The following RTTN variants were observed in gnomAD, a reference collection of about 807,000 sequenced individuals.
RTTN encodes rotatin.
A neutral mutation model predicts 269.2 loss-of-function variants in RTTN; 182 were observed. The observed-to-expected ratio is 0.68, with a 90% CI of 0.60 to 0.76. The LOEUF is 0.76. Ranked by LOEUF, RTTN falls within the 30% of genes least tolerant of loss-of-function variation. The pLI is 0.00. For synonymous variants in RTTN, 1,006 were observed against 963.5 expected, an observed-to-expected ratio of 1.04 and a Z score of -0.82; for missense variants, 2,545 against 2,608.6, an observed-to-expected ratio of 0.98 and a Z score of 0.53.
intron 23 of RTTN, 199 bp from the exon 24 acceptor site, chr18:70,128,745 A>G: frequency 1.9e-6 from 1 of 512,912 alleles, no homozygotes; most frequent in African/African-American, 1.9e-5. Flanking sequence ...AACTCCCCAG[A>G]ACACTTAAAT....
chr18:70,016,387 A>G (rs904479572), intron 46 of RTTN, among the ~76,000 whole-genome samples: 1 of 152,160 alleles, frequency 6.6e-6, no homozygotes, highest in Non-Finnish European at 1.5e-5. Context: ...TTATAAACTG[A>G]TTCTTACCAA....
Position 70,204,230 on chromosome 18 carries a change from C to T in RTTN, c.253G>A (p.Gly85Ser), listed in dbSNP as rs1600100824. 31 of 1,612,654 alleles carry T rather than the reference C, an allele frequency of 1.9e-5. No individual in the cohort carries two copies. The highest frequency in any genetic ancestry group is 2.5e-5 in the Non-Finnish European group (30 of 1,179,678). Reference protein sequence around the residue: ...PPAVQHLVDVGAVEFLSKLRS... With the variant: ...PPAVQHLVDVSAVEFLSKLRS... ...AGCTTAGATAAGAACTCTACTGCAC[C>T]AACGTCAACCAAATGTTGGACTGCT... Residue 85 changes from glycine to serine, a missense_variant, in exon 3 of 49, where the codon GGT (glycine) becomes AGT (serine). By Grantham distance (56) the Gly-to-Ser change is moderately conservative. Coordinates refer to ENST00000640769, the MANE Select transcript of RTTN (RefSeq NM_173630.4).
chr18:70,078,139 T>C (rs1257965511), intron 32 of RTTN, among the ~76,000 whole-genome samples: 2 of 151,708 alleles, frequency 1.3e-5, no homozygotes, highest in African/African-American at 2.4e-5. Flanking sequence ...ATTCTAAACA[T>C]TGAGGACAAA....
intron 39 of RTTN, among the ~76,000 whole-genome samples, chr18:70,050,097 T>C (rs978461789): frequency 6.6e-6 from 1 of 152,128 alleles, no homozygotes; most frequent in African/African-American, 2.4e-5. Context: ...CTAAAGAGCG[T>C]CTGCATAGCA....
chr18:70,054,917 T>C (rs995645773), intron 37 of RTTN, among the ~76,000 whole-genome samples: 4 of 152,138 alleles, frequency 2.6e-5, no homozygotes. Flanking sequence ...ATAAAGTCTA[T>C]AATTTTGTAA....
chr18:70,106,456 C>A (rs547503757), intron 28 of RTTN, among the ~76,000 whole-genome samples: 29 of 152,210 alleles, frequency 1.9e-4, no homozygotes, highest in Middle Eastern at 3.4e-3. Flanking sequence ...AGGTAAGTAT[C>A]CAACCTTGGA....
chr18:70,016,627 G>A (rs1052966964), intron 46 of RTTN, among the ~76,000 whole-genome samples: 3 of 152,104 alleles, frequency 2.0e-5, no homozygotes, highest in East Asian at 3.9e-4. Context: ...AGATCTTTCC[G>A]ATTCTTTTTG....
At chr18:70,159,955 C>A (rs1415224105) in intron 14 of RTTN, among the ~76,000 whole-genome samples, 1 of 151,902 alleles carries the variant, frequency 6.6e-6, no homozygotes, top group Non-Finnish European at 1.5e-5. Context: ...AGCCTACCAA[C>A]CAGAAAAAAA....
chr18:70,019,289 C>G (rs1324412001), intron 45 of RTTN: 5 of 152,146 alleles, frequency 3.3e-5, no homozygotes, highest in Non-Finnish European at 7.4e-5. Context: ...TTGGCACTTA[C>G]ATTCCTTCTG....
At chr18:70,086,892 G>C (rs569341859) in intron 31 of RTTN, among the ~76,000 whole-genome samples, 1 of 151,862 alleles carries the variant, frequency 6.6e-6, no homozygotes, top group African/African-American at 2.4e-5. Context: ...TAATGACCTT[G>C]TTAGGTAATG....
At position 70,041,379 on chromosome 18, in the gene RTTN, T is replaced by TGC. The variant is rs561507255; in HGVS notation, c.5541+6590_5541+6591dup. Among the ~76,000 whole-genome samples, 72 of 60,372 alleles carry TGC rather than the reference T, an allele frequency of 1.2e-3. No individual in the cohort carries two copies. The South Asian group carries it at 0.069, about 58-fold the overall frequency. 39.6% of individuals were successfully genotyped at this position (60,372 alleles called of 152,430 possible). A position where few individuals can be genotyped will look rare whatever the true frequency, so the allele number is the denominator to read the frequency against. Reference sequence around the variant, plus strand: ...CCCATTAAAATGACAAAAATGGGATTGCACACACACACACACACACACAAG... The same window carrying TGC: ...CCCATTAAAATGACAAAAATGGGATTGCGCACACACACACACACACACACAAG... On this transcript the variant is annotated intron_variant, in intron 40 of 48. Coordinates refer to ENST00000640769, the MANE Select transcript of RTTN (RefSeq NM_173630.4).
chr18:70,176,680 C>T lies in RTTN; in HGVS notation c.1471G>A (p.Glu491Lys). The change falls in exon 11 of 49, where the codon GAA becomes AAA. Residue 491 changes from glutamate to lysine, a missense_variant. Transcript: ENST00000640769. ...AGCAGCATTGCCTGCCTTACCTTTT[C>T]AACAGGGAGAAGCGTTTGTAGCAGT... ...VRLLQTLLPVEKASEFLSEPM... is the reference protein window; with the variant it reads ...VRLLQTLLPVKKASEFLSEPM... The T allele has an allele frequency of 6.2e-7, 1 of 1,612,418 alleles. No homozygotes were observed. Among genetic ancestry groups the T allele is most frequent in the South Asian group, 1.1e-5 (1 of 90,654 alleles).
At chr18:70,162,086 T>C (rs1186461689) in intron 14 of RTTN, among the ~76,000 whole-genome samples, 2 of 152,056 alleles carry the variant, frequency 1.3e-5, no homozygotes, top group African/African-American at 2.4e-5. Context: ...TTACTCACAA[T>C]AGCAAAGACA....
chr18:70,156,182 T>C (rs1428329594), intron 14 of RTTN, among the ~76,000 whole-genome samples: 3 of 152,186 alleles, frequency 2.0e-5, no homozygotes, highest in African/African-American at 7.2e-5. Flanking sequence ...TTTCAAAAGC[T>C]AATGGGAGAA....
intron 28 of RTTN, among the ~76,000 whole-genome samples, chr18:70,097,997 A>T (rs1349056149): frequency 6.6e-6 from 1 of 152,244 alleles, no homozygotes; most frequent in Non-Finnish European, 1.5e-5. Flanking sequence ...CATTTTCTAG[A>T]GGAGACTGAC....
chr18:70,197,195 A>C (rs959782675), intron 6 of RTTN, among the ~76,000 whole-genome samples: 5 of 152,118 alleles, frequency 3.3e-5, no homozygotes, highest in Non-Finnish European at 7.3e-5. Flanking sequence ...CTCTCTCTCT[A>C]CTATACAAGC....
chr18:70,169,567 C>T (rs1040777481), intron 11 of RTTN, among the ~76,000 whole-genome samples: 4 of 152,030 alleles, frequency 2.6e-5, no homozygotes, highest in East Asian at 3.9e-4. Flanking sequence ...TGAACAGAAA[C>T]GAATTTTTTT....
intron 43 of RTTN, among the ~76,000 whole-genome samples, chr18:70,027,102 T>G (rs2056875889): frequency 6.6e-6 from 1 of 152,164 alleles, no homozygotes; most frequent in Non-Finnish European, 1.5e-5. Context: ...CTGCTCAAGT[T>G]AAGGTGTCAT....
chr18:70,185,436 T>C (rs1568533883), intron 10 of RTTN, among the ~76,000 whole-genome samples: 1 of 150,190 alleles, frequency 6.7e-6, no homozygotes. Context: ...ACAATAATCA[T>C]TCATGATCAA....
Sources: gnomAD v4.1 joint callset for allele counts (sites outside exome capture counted in the v4.1 genomes callset) on GRCh38, gnomAD v4.1.1 for gene constraint, MANE v1.5 for transcripts, NCBI Gene and HGNC (gene_info 2026-07-23, HGNC 2026-07-21) for gene names.